The following FBN2 variants were observed in gnomAD, a reference collection of about 807,000 sequenced individuals.
FBN2 encodes the protein fibrillin-2.
Under a neutral mutation model 355.6 loss-of-function variants are expected in FBN2, and 105 were observed. That is an observed-to-expected ratio of 0.30 (90% CI 0.25 to 0.35). The LOEUF (loss-of-function observed/expected upper bound fraction) is 0.35, where lower values mean the gene tolerates loss of function less well. Among genes scored for constraint, FBN2 ranks in the 10% least tolerant of loss-of-function variants. The pLI is 1.00. For synonymous variants in FBN2, 1,350 were observed against 1,301.2 expected, an observed-to-expected ratio of 1.04 and a Z score of -0.81; for missense variants, 3,280 against 3,758.7, an observed-to-expected ratio of 0.87 and a Z score of 3.33.
chr5:128,348,407 T>C (rs922081298), intron 23 of FBN2, among the ~76,000 whole-genome samples: 1 of 152,152 alleles, frequency 6.6e-6, no homozygotes, highest in African/African-American at 2.4e-5. Flanking sequence ...AATAATTTTG[T>C]ATGATTTTAC....
intron 51 of FBN2, 114 bp from the exon 52 acceptor site, chr5:128,289,366 C>T: frequency 9.5e-7 from 1 of 1,050,944 alleles, no homozygotes; most frequent in Non-Finnish European, 1.5e-6. Context: ...GGTGGATCAC[C>T]TGAGGTCAGG....
intron 5 of FBN2, among the ~76,000 whole-genome samples, chr5:128,493,992 G>T (rs1755583177): frequency 7.2e-6 from 1 of 139,164 alleles, no homozygotes; most frequent in Non-Finnish European, 1.5e-5. Context: ...CATGTCATAT[G>T]CAAGGTTTCT....
At chr5:128,330,303 G>A (rs188907326) in intron 33 of FBN2, among the ~76,000 whole-genome samples, 1 of 152,152 alleles carries the variant, frequency 6.6e-6, no homozygotes, top group Non-Finnish European at 1.5e-5. Context: ...TAACCACTGT[G>A]TTACAAATGA....
intron 7 of FBN2, chr5:128,442,267 A>C (rs1353397440): frequency 4.4e-6 from 2 of 453,440 alleles, no homozygotes; most frequent in African/African-American, 4.0e-5. Context: ...CCTCCCATGT[A>C]AGCCAGGAAA....
At chr5:128,275,074 G>A (rs1765356672) in intron 59 of FBN2, among the ~76,000 whole-genome samples, 1 of 152,128 alleles carries the variant, frequency 6.6e-6, no homozygotes. Context: ...TCTAGAAACT[G>A]ATGAAGGTCC....
intron 35 of FBN2, 122 bp from the exon 36 acceptor site, chr5:128,318,393 A>G: frequency 1.0e-6 from 1 of 966,298 alleles, no homozygotes; most frequent in Non-Finnish European, 1.7e-6. Flanking sequence ...GGAAAGACTC[A>G]ACACAATAAA....
At chr5:128,330,835 A>C (rs1750673110) in intron 32 of FBN2, 140 bp from the exon 33 acceptor site, 3 of 950,664 alleles carry the variant, frequency 3.2e-6, no homozygotes, top group African/African-American at 1.6e-5. Flanking sequence ...CTAATTCGCT[A>C]AGCTCTCAGA....
chr5:128,289,997 A>G (rs1477642659), intron 50 of FBN2, 50 bp from the exon 51 acceptor site: 4 of 1,043,754 alleles, frequency 3.8e-6, no homozygotes, highest in Non-Finnish European at 6.0e-6. Context: ...GAAATTATCA[A>G]AGAACTTAAG....
intron 5 of FBN2, among the ~76,000 whole-genome samples, chr5:128,477,637 C>T (rs967199486): frequency 6.6e-6 from 1 of 152,072 alleles, no homozygotes; most frequent in Non-Finnish European, 1.5e-5. Flanking sequence ...AATAGCTTTC[C>T]TCCACAAATG....
chr5:128,532,680 A>T (rs1272297725), intron 2 of FBN2, among the ~76,000 whole-genome samples: 1 of 152,188 alleles, frequency 6.6e-6, no homozygotes, highest in East Asian at 1.9e-4. Context: ...AAACTAACTC[A>T]CTAATTGTTT....
chr5:128,338,229 G>C, intron 26 of FBN2, 107 bp from the exon 27 acceptor site: 1 of 1,106,856 alleles, frequency 9.0e-7, no homozygotes, highest in Non-Finnish European at 1.3e-6. Context: ...TGAGTTAGTG[G>C]AAGAGAGATG....
At chr5:128,263,759 A>T in intron 62 of FBN2, 103 bp from the exon 63 acceptor site, 1 of 710,902 alleles carries the variant, frequency 1.4e-6, no homozygotes. Context: ...GGCAGAAATA[A>T]CTCTAACACA....
At chr5:128,449,704 T>G (rs1754187200) in intron 6 of FBN2, among the ~76,000 whole-genome samples, 1 of 151,366 alleles carries the variant, frequency 6.6e-6, no homozygotes, top group Non-Finnish European at 1.5e-5. Flanking sequence ...ACAATAAAAT[T>G]GATAATCATA....
At chr5:128,273,267 T>A (rs1322368821) in intron 61 of FBN2, among the ~76,000 whole-genome samples, 1 of 152,220 alleles carries the variant, frequency 6.6e-6, no homozygotes, top group Admixed American at 6.5e-5. Context: ...ACTGCAAGCA[T>A]GTTCTTATTT....
At chr5:128,308,441 T>A (rs1238524046) in intron 41 of FBN2, among the ~76,000 whole-genome samples, 1 of 152,182 alleles carries the variant, frequency 6.6e-6, no homozygotes, top group Admixed American at 6.5e-5. Flanking sequence ...CTCTCCTTAA[T>A]TTCATCAATA....
At chr5:128,389,269 G>C (rs371285333) in intron 11 of FBN2, among the ~76,000 whole-genome samples, 2 of 152,230 alleles carry the variant, frequency 1.3e-5, no homozygotes, top group South Asian at 2.1e-4. Context: ...ATGGGGGAAG[G>C]CTGTGGGCAA....
At chr5:128,458,499 A>C (rs934215877) in intron 6 of FBN2, among the ~76,000 whole-genome samples, 33 of 151,808 alleles carry the variant, frequency 2.2e-4, no homozygotes, top group African/African-American at 7.7e-4. Flanking sequence ...AAATCAACAG[A>C]ATATACATTC....
At chr5:128,527,632 G>A (rs1756595994) in intron 4 of FBN2, among the ~76,000 whole-genome samples, 3 of 152,018 alleles carry the variant, frequency 2.0e-5, no homozygotes, top group African/African-American at 2.4e-5. Context: ...ATTTGCTAAA[G>A]CACTAGTTAC....
intron 7 of FBN2, chr5:128,442,387 A>G: frequency 2.2e-6 from 1 of 456,544 alleles, no homozygotes. Context: ...AATTCAAACG[A>G]AAATACTTTA....
Sources: gnomAD v4.1 joint callset for allele counts (sites outside exome capture counted in the v4.1 genomes callset) on GRCh38, gnomAD v4.1.1 for gene constraint, MANE v1.5 for transcripts, NCBI Gene and HGNC (gene_info 2026-07-23, HGNC 2026-07-21) for gene names.